SUGCT: variants seen among roughly 807,000 people sequenced by gnomAD.
SUGCT encodes succinyl-CoA:glutarate-CoA transferase.
SUGCT carries 41 observed loss-of-function variants against 55.0 expected under a neutral mutation model. That is an observed-to-expected ratio of 0.74 (90% CI 0.58 to 0.97). SUGCT has a LOEUF of 0.97. SUGCT is among the 50% of genes least tolerant of loss of function. The pLI, the probability that SUGCT is intolerant of heterozygous loss-of-function variation, is 0.00. For missense variants in SUGCT, 568 were observed against 547.8 expected (o/e 1.04, Z -0.37); for synonymous variants, 187 against 200.4 (o/e 0.93, Z 0.56).
chr7:40,805,351 G>A (rs964658266), intron 13 of SUGCT, among the ~76,000 whole-genome samples: 3 of 152,032 alleles, frequency 2.0e-5, no homozygotes, highest in Admixed American at 6.6e-5. Context: ...TCTGCCCCCC[G>A]GAAGTTCTCA....
At chr7:40,454,588 A>G (rs1393449897) in intron 10 of SUGCT, among the ~76,000 whole-genome samples, 1 of 141,558 alleles carries the variant, frequency 7.1e-6, no homozygotes, top group Admixed American at 7.4e-5. Flanking sequence ...GTGGATACAC[A>G]AAAATCATCC....
chr7:40,459,456 A>G (rs183735683), intron 11 of SUGCT, among the ~76,000 whole-genome samples: 2 of 152,254 alleles, frequency 1.3e-5, no homozygotes, highest in Admixed American at 6.5e-5. Context: ...CATGACTTGA[A>G]TTTGGTTGTT....
chr7:40,749,578 G>A (rs1284134090), intron 13 of SUGCT, 81 bp downstream of exon 13: 5 of 1,131,956 alleles, frequency 4.4e-6, no homozygotes, highest in Middle Eastern at 2.0e-4. Flanking sequence ...TAGCTTATGA[G>A]CTCCCAAACA....
chr7:40,732,287 C>T (rs1786933253), intron 12 of SUGCT, among the ~76,000 whole-genome samples: 1 of 152,194 alleles, frequency 6.6e-6, no homozygotes, highest in Non-Finnish European at 1.5e-5. Context: ...TCTGTGACAT[C>T]TTCCCTTGCC....
chr7:40,646,479 G>A (rs1272093495), intron 12 of SUGCT, among the ~76,000 whole-genome samples: 1 of 152,146 alleles, frequency 6.6e-6, no homozygotes, highest in Non-Finnish European at 1.5e-5. Flanking sequence ...ACCAAGTGCT[G>A]CAGGGTCTGG....
chr7:40,242,049 G>A (rs1231599793), intron 7 of SUGCT, among the ~76,000 whole-genome samples: 2 of 152,094 alleles, frequency 1.3e-5, no homozygotes, highest in Admixed American at 6.6e-5. Flanking sequence ...ATTTGATTAC[G>A]GACAAAGAGA....
chr7:40,220,410 G>C (rs1787955807), intron 6 of SUGCT, among the ~76,000 whole-genome samples: 1 of 152,166 alleles, frequency 6.6e-6, no homozygotes, highest in South Asian at 2.1e-4. Context: ...ACTATATCAG[G>C]AGGAAAGTTG....
intron 13 of SUGCT, among the ~76,000 whole-genome samples, chr7:40,846,576 A>C (rs1235756083): frequency 6.6e-6 from 1 of 152,258 alleles, no homozygotes; most frequent in Non-Finnish European, 1.5e-5. Context: ...GGAACAAGAT[A>C]GATAAATCAA....
the SUGCT span, among the ~76,000 whole-genome samples, chr7:40,874,502 G>A: frequency 4.8e-4 from 73 of 152,246 alleles, no homozygotes; most frequent in South Asian, 6.2e-4. Flanking sequence ...GATACAGTGC[G>A]CTGGATTAAG....
chr7:40,250,855 A>G (rs1487898692), intron 7 of SUGCT, among the ~76,000 whole-genome samples: 1 of 89,044 alleles, frequency 1.1e-5, no homozygotes, highest in Non-Finnish European at 2.0e-5. Flanking sequence ...TTTTTTTTTT[A>G]AGACGGGGTC....
chr7:40,272,134 A>G (rs1459234650), intron 7 of SUGCT, among the ~76,000 whole-genome samples: 1 of 94,330 alleles, frequency 1.1e-5, no homozygotes. Context: ...AAACAACTGC[A>G]ATGTGACATA....
the SUGCT span, among the ~76,000 whole-genome samples, chr7:40,902,871 C>T: frequency 5.9e-5 from 9 of 152,074 alleles, no homozygotes; most frequent in Admixed American, 4.6e-4. Flanking sequence ...TACCCTGTAG[C>T]TGAAAAAACC....
intron 7 of SUGCT, among the ~76,000 whole-genome samples, chr7:40,268,105 A>G (rs1225107310): frequency 6.6e-6 from 1 of 152,190 alleles, no homozygotes; most frequent in African/African-American, 2.4e-5. Context: ...AGCTTTATGG[A>G]TATAATTCAT....
intron 12 of SUGCT, among the ~76,000 whole-genome samples, chr7:40,737,640 T>A (rs192902908): frequency 1.3e-4 from 20 of 152,268 alleles, no homozygotes; most frequent in African/African-American, 4.6e-4. Flanking sequence ...GGCATATAAA[T>A]TGGTAGGGGG....
intron 9 of SUGCT, among the ~76,000 whole-genome samples, chr7:40,436,405 C>G (rs115349251): frequency 2.6e-3 from 390 of 152,254 alleles, no homozygotes; most frequent in Middle Eastern, 0.017. Flanking sequence ...TCTGTGTTTT[C>G]TCATTGATAA....
intron 9 of SUGCT, among the ~76,000 whole-genome samples, chr7:40,350,202 T>C (rs1797542511): frequency 6.6e-6 from 1 of 151,590 alleles, no homozygotes; most frequent in South Asian, 2.1e-4. Flanking sequence ...ACTTTTTATG[T>C]CATCTTTGTA....
downstream of SUGCT, among the ~76,000 whole-genome samples, chr7:40,865,516 G>C (rs752195705): frequency 6.6e-6 from 1 of 152,166 alleles, no homozygotes; most frequent in Admixed American, 6.5e-5. Flanking sequence ...CCAGTTCTAA[G>C]GGGGAAAACC....
At chr7:40,215,753 T>C (rs1787593759) in intron 6 of SUGCT, among the ~76,000 whole-genome samples, 1 of 151,862 alleles carries the variant, frequency 6.6e-6, no homozygotes, top group Admixed American at 6.6e-5. Context: ...TCCCAGCTAC[T>C]TGGGAGGCTG....
At chr7:40,277,616 G>T (rs1367605726) in intron 8 of SUGCT, among the ~76,000 whole-genome samples, 1 of 151,790 alleles carries the variant, frequency 6.6e-6, no homozygotes, top group African/African-American at 2.4e-5. Flanking sequence ...AATAGCTTCT[G>T]GGCTGTGAGT....
Sources: allele counts gnomAD v4.1 joint callset (sites outside exome capture counted in the v4.1 genomes callset), GRCh38; gene constraint gnomAD v4.1.1; transcripts MANE v1.5; gene names NCBI Gene and HGNC (gene_info 2026-07-23, HGNC 2026-07-21).